Variants in PTPRT observed in about 807,000 individuals in gnomAD.
The protein encoded by PTPRT is protein tyrosine phosphatase receptor type T, also known as receptor-type tyrosine-protein phosphatase T.
Under a neutral mutation model 176.8 loss-of-function variants are expected in PTPRT, and 56 were observed. The ratio of observed to expected loss-of-function variants is 0.32; its 90% confidence interval spans 0.26 to 0.40. PTPRT has a LOEUF of 0.40. Ranked by LOEUF, PTPRT falls within the 10% of genes least tolerant of loss-of-function variation. The pLI, the probability that PTPRT is intolerant of heterozygous loss-of-function variation, is 1.00. For missense variants in PTPRT, 1,540 were observed against 1,908.2 expected (o/e 0.81, Z 3.60); for synonymous variants, 783 against 739.0 (o/e 1.06, Z -0.96).
At chr20:42,520,431 T>C (rs2072150656) in intron 7 of PTPRT, among the ~76,000 whole-genome samples, 1 of 152,100 alleles carries the variant, frequency 6.6e-6, no homozygotes, top group Non-Finnish European at 1.5e-5. Flanking sequence ...TCTTCTTTTA[T>C]TTATAGTTTT....
intron 1 of PTPRT, among the ~76,000 whole-genome samples, chr20:42,947,241 AT>A (rs1468965681): frequency 6.6e-6 from 1 of 152,190 alleles, no homozygotes. Flanking sequence ...GGAATCAAGA[AT>A]GCAGGCTTAC....
chr20:42,734,072 T>C (rs1050346680), intron 6 of PTPRT, among the ~76,000 whole-genome samples: 1 of 152,224 alleles, frequency 6.6e-6, no homozygotes, highest in East Asian at 1.9e-4. Flanking sequence ...CCCTTACTGA[T>C]TCCTGTAATG....
intron 11 of PTPRT, among the ~76,000 whole-genome samples, chr20:42,347,447 T>C (rs1212289312): frequency 6.6e-6 from 1 of 152,132 alleles, no homozygotes; most frequent in African/African-American, 2.4e-5. Flanking sequence ...CTACAGTCAA[T>C]GTACCTAGTG....
intron 7 of PTPRT, among the ~76,000 whole-genome samples, chr20:42,588,381 T>G (rs62203797): frequency 1.3e-5 from 2 of 151,976 alleles, no homozygotes; most frequent in African/African-American, 4.8e-5. Flanking sequence ...GAGGTGAAGG[T>G]TGCAGTCAGC....
intron 1 of PTPRT, among the ~76,000 whole-genome samples, chr20:43,056,609 G>A (rs1987243936): frequency 6.6e-6 from 1 of 152,128 alleles, no homozygotes; most frequent in South Asian, 2.1e-4. Context: ...TTTTTCTGGG[G>A]GGGTGTTATT....
intron 6 of PTPRT, among the ~76,000 whole-genome samples, chr20:42,749,055 T>C (rs1484316485): frequency 3.9e-5 from 6 of 152,262 alleles, no homozygotes; most frequent in Non-Finnish European, 2.9e-5. Flanking sequence ...TCCAACGCAG[T>C]CTGTGCCAGT....
chr20:43,181,264 T>C (rs1160275618), intron 1 of PTPRT, among the ~76,000 whole-genome samples: 1 of 152,212 alleles, frequency 6.6e-6, no homozygotes, highest in Non-Finnish European at 1.5e-5. Context: ...GACCCAGCTA[T>C]GCCACACAGA....
chr20:42,316,133 T>C (rs2057718447), intron 11 of PTPRT, 137 bp from the exon 12 acceptor site: 4 of 984,822 alleles, frequency 4.1e-6, no homozygotes, highest in Non-Finnish European at 5.9e-6. Flanking sequence ...GTCCTGAGCA[T>C]CAGATTTTCA....
chr20:42,292,457 C>T (rs1336735681), intron 12 of PTPRT, among the ~76,000 whole-genome samples: 1 of 152,084 alleles, frequency 6.6e-6, no homozygotes, highest in African/African-American at 2.4e-5. Flanking sequence ...CTCATACCTA[C>T]TTAGCATAGT....
chr20:42,149,583 C>A (rs575843697), intron 17 of PTPRT, among the ~76,000 whole-genome samples: 71 of 151,928 alleles, frequency 4.7e-4, no homozygotes, highest in Non-Finnish European at 8.4e-4. Flanking sequence ...GCCACCACAC[C>A]CGGCTAATTT....
chr20:42,623,744 T>C (rs1441880685), intron 7 of PTPRT, among the ~76,000 whole-genome samples: 2 of 152,118 alleles, frequency 1.3e-5, no homozygotes, highest in Admixed American at 6.5e-5. Context: ...TCCATACCCA[T>C]ACTTCAGGAG....
chr20:42,600,170 C>T (rs2073751013), intron 7 of PTPRT, among the ~76,000 whole-genome samples: 2 of 152,208 alleles, frequency 1.3e-5, no homozygotes, highest in Non-Finnish European at 2.9e-5. Flanking sequence ...GATGGAGTCT[C>T]ACTCTGTCAC....
chr20:42,861,585 C>T (rs34325682), intron 2 of PTPRT, among the ~76,000 whole-genome samples: 56,946 of 150,726 alleles, frequency 0.38, 13,190 homozygotes, highest in Non-Finnish European at 0.53. Flanking sequence ...ACAGATAAGC[C>T]TTCTGCCCTT....
intron 11 of PTPRT, among the ~76,000 whole-genome samples, chr20:42,324,094 G>A (rs949815184): frequency 1.3e-5 from 2 of 152,006 alleles, no homozygotes; most frequent in South Asian, 4.1e-4. Context: ...ATTTATAATC[G>A]CCAAAACATA....
At chr20:42,791,592 G>C (rs2145552648) in intron 2 of PTPRT, 126 bp from the exon 3 acceptor site, 3 of 1,079,124 alleles carry the variant, frequency 2.8e-6, no homozygotes, top group Non-Finnish European at 3.9e-6. Flanking sequence ...ACTCTAGAAG[G>C]GTCTGGGTGA....
At chr20:42,916,810 T>C (rs967325544) in intron 1 of PTPRT, among the ~76,000 whole-genome samples, 27 of 152,146 alleles carry the variant, frequency 1.8e-4, no homozygotes, top group Admixed American at 1.3e-3. Flanking sequence ...CTTGATGGGG[T>C]TGTTTTTTTC....
rs1986453034 is a variant in PTPRT, at chr20:43,038,025, GCTTCTGTGGCT to G, written c.88+151610_88+151620del. On this transcript the variant is annotated intron_variant, in intron 1 of 30. Transcript: ENST00000373187. ...ACAGTAAAAAAATCTGACCTAAACTGCTTCTGTGGCTACACCTGACCTGAGCCTATTTATAG... is the reference window on the plus strand; with the variant it reads ...ACAGTAAAAAAATCTGACCTAAACTGACACCTGACCTGAGCCTATTTATAG... Among the ~76,000 whole-genome samples the G allele has an allele frequency of 1.5e-3, 228 of 151,884 alleles. 1 individual carries two copies. Among genetic ancestry groups the G allele is most frequent in the African/African-American group, 5.2e-3 (216 of 41,218 alleles).
intron 9 of PTPRT, among the ~76,000 whole-genome samples, chr20:42,447,472 T>G (rs1236753095): frequency 6.6e-6 from 1 of 152,032 alleles, no homozygotes; most frequent in Non-Finnish European, 1.5e-5. Context: ...ATTGTAATCT[T>G]ATGTTGTGTA....
intron 7 of PTPRT, among the ~76,000 whole-genome samples, chr20:42,608,896 C>G (rs1237385998): frequency 6.6e-6 from 1 of 152,012 alleles, no homozygotes; most frequent in Non-Finnish European, 1.5e-5. Flanking sequence ...AGCCCAGACC[C>G]AAGGGAAGGG....
Sources: allele counts gnomAD v4.1 joint callset (sites outside exome capture counted in the v4.1 genomes callset), GRCh38; gene constraint gnomAD v4.1.1; transcripts MANE v1.5; gene names NCBI Gene and HGNC (gene_info 2026-07-23, HGNC 2026-07-21).